The following PHKB variants were observed in gnomAD, a reference collection of about 807,000 sequenced individuals.
PHKB encodes the protein phosphorylase b kinase regulatory subunit beta.
A neutral mutation model predicts 152.1 loss-of-function variants in PHKB; 122 were observed. The observed-to-expected ratio is 0.80, with a 90% CI of 0.69 to 0.93. PHKB has a LOEUF of 0.93. Among genes scored for constraint, PHKB ranks in the 40% least tolerant of loss-of-function variants. The pLI is 0.00. For synonymous variants in PHKB, 436 were observed against 464.9 expected (o/e 0.94, Z 0.80); for missense variants, 1,304 against 1,328.4 (o/e 0.98, Z 0.29).
intron 25 of PHKB, among the ~76,000 whole-genome samples, chr16:47,667,720 A>G (rs564017796): frequency 6.6e-6 from 1 of 152,324 alleles, no homozygotes; most frequent in Admixed American, 6.5e-5. Context: ...ATTTCTGAAA[A>G]GAGAGTTAAC....
chr16:47,610,159 A>ATTTTTTTTTTTTTTTTTTTT (rs371224839), intron 13 of PHKB, among the ~76,000 whole-genome samples: 6 of 99,444 alleles, frequency 6.0e-5, no homozygotes, highest in African/African-American at 8.2e-5. Flanking sequence ...TGCCCAGCTA[A>ATTTTTTTTTTTTTTTTTTTT]TTTTTTTTTT....
At chr16:47,546,109 A>G (rs1318736102) in intron 6 of PHKB, among the ~76,000 whole-genome samples, 1 of 152,218 alleles carries the variant, frequency 6.6e-6, no homozygotes, top group African/African-American at 2.4e-5. Context: ...CGTCAAAGTC[A>G]TTCTCCATCC....
At chr16:47,503,896 A>C (rs533420049) in intron 4 of PHKB, among the ~76,000 whole-genome samples, 17 of 152,368 alleles carry the variant, frequency 1.1e-4, no homozygotes, top group Non-Finnish European at 2.2e-4. Context: ...AATAATGTAC[A>C]TAACAACATT....
At chr16:47,476,895 A>G (rs766554802) in intron 1 of PHKB, among the ~76,000 whole-genome samples, 1 of 152,186 alleles carries the variant, frequency 6.6e-6, no homozygotes, top group Non-Finnish European at 1.5e-5. Context: ...CAAACCTGGA[A>G]TCTGCTGTTC....
At chr16:47,472,371 G>A (rs775558212) in intron 1 of PHKB, among the ~76,000 whole-genome samples, 11 of 152,126 alleles carry the variant, frequency 7.2e-5, no homozygotes, top group Non-Finnish European at 5.9e-5. Flanking sequence ...GAAAACAACT[G>A]CCCATTGCGG....
intron 8 of PHKB, among the ~76,000 whole-genome samples, chr16:47,585,532 A>G (rs1971920861): frequency 2.0e-5 from 3 of 152,150 alleles, no homozygotes; most frequent in Admixed American, 1.3e-4. Flanking sequence ...TTGCTTCTGG[A>G]TTGGGAATAG....
intron 13 of PHKB, chr16:47,597,696 T>C (rs77650800): frequency 1.3e-5 from 2 of 150,326 alleles, no homozygotes; most frequent in Admixed American, 6.6e-5. Context: ...TTTTTTTTTT[T>C]TAGTGATTCC....
intron 1 of PHKB, among the ~76,000 whole-genome samples, chr16:47,467,379 G>A (rs1010062493): frequency 7.9e-5 from 12 of 152,088 alleles, no homozygotes; most frequent in African/African-American, 1.4e-4. Flanking sequence ...TTTACTCTAC[G>A]TCCATCTTAT....
intron 13 of PHKB, among the ~76,000 whole-genome samples, chr16:47,602,345 C>T (rs1024713756): frequency 5.9e-5 from 9 of 152,190 alleles, no homozygotes; most frequent in African/African-American, 1.7e-4. Context: ...TATATATATA[C>T]GAAGTTCCCA....
chr16:47,527,586 A>T (rs547846240), intron 6 of PHKB, among the ~76,000 whole-genome samples: 2 of 152,226 alleles, frequency 1.3e-5, no homozygotes, highest in African/African-American at 4.8e-5. Context: ...TCCAAATGGA[A>T]TGTGTTCTAG....
chr16:47,663,362 C>T (rs1973477056), intron 23 of PHKB, among the ~76,000 whole-genome samples: 2 of 152,076 alleles, frequency 1.3e-5, no homozygotes, highest in South Asian at 2.1e-4. Flanking sequence ...ATTCTCTTTT[C>T]TTCTTTTCTG....
At chr16:47,676,777 G>A (rs1236173569) in intron 26 of PHKB, among the ~76,000 whole-genome samples, 1 of 152,158 alleles carries the variant, frequency 6.6e-6, no homozygotes, top group Non-Finnish European at 1.5e-5. Context: ...TCTCATTATT[G>A]ATTTGTGCTT....
chr16:47,466,246 G>C (rs1364059065), intron 1 of PHKB, among the ~76,000 whole-genome samples: 1 of 152,144 alleles, frequency 6.6e-6, no homozygotes, highest in Non-Finnish European at 1.5e-5. Context: ...AAGACCCTTG[G>C]AGTCAAATGT....
chr16:47,665,804 G>A, intron 25 of PHKB: 3 of 726,792 alleles, frequency 4.1e-6, no homozygotes, highest in Non-Finnish European at 7.5e-6. Context: ...TAGGTTCAAT[G>A]TCCTGGGCAG....
At chr16:47,665,974 G>A (rs1219252481) in intron 25 of PHKB, 3 of 1,614,046 alleles carry the variant, frequency 1.9e-6, no homozygotes, top group Non-Finnish European at 2.5e-6. Flanking sequence ...AGTCTTTTAA[G>A]TAAAGTAGTG....
rs796731465 is a variant in PHKB at position 47,614,654 on chromosome 16, CCCTTA to C, written c.1458+3739_1458+3743del. Among the ~76,000 whole-genome samples, 130 of 152,266 alleles carry C rather than the reference CCCTTA, an allele frequency of 8.5e-4. 1 individual carries two copies. The highest frequency in any genetic ancestry group is 3.0e-3 in the African/African-American group (123 of 41,558). ...GAAACCTTACTTCTTCCATTAGTTTCCCTTACCTTCTTCATTTCTTAAACATAATT... is the reference window on the plus strand; with the variant it reads ...GAAACCTTACTTCTTCCATTAGTTTCCCTTCTTCATTTCTTAAACATAATT... On this transcript the variant is annotated intron_variant, in intron 14 of 30. Coordinates refer to ENST00000323584, the MANE Select transcript of PHKB (RefSeq NM_000293.3).
chr16:47,538,722 G>A (rs1176284679), intron 6 of PHKB, among the ~76,000 whole-genome samples: 3 of 152,128 alleles, frequency 2.0e-5, no homozygotes, highest in Non-Finnish European at 4.4e-5. Context: ...ATTTCCTGGA[G>A]GCCCTAGAAA....
At chr16:47,554,843 G>A (rs988692475) in intron 7 of PHKB, among the ~76,000 whole-genome samples, 1 of 152,150 alleles carries the variant, frequency 6.6e-6, no homozygotes, top group Non-Finnish European at 1.5e-5. Flanking sequence ...TCTGTGGGCT[G>A]CACCCACTAT....
chr16:47,549,233 A>G (rs1175156074), intron 7 of PHKB, among the ~76,000 whole-genome samples: 1 of 152,230 alleles, frequency 6.6e-6, no homozygotes, highest in Non-Finnish European at 1.5e-5. Context: ...CTCAAATTAT[A>G]AGAAATTTGA....
Sources: allele counts gnomAD v4.1 joint callset (sites outside exome capture counted in the v4.1 genomes callset), GRCh38; gene constraint gnomAD v4.1.1; transcripts MANE v1.5; gene names NCBI Gene and HGNC (gene_info 2026-07-23, HGNC 2026-07-21).